PPFIA2: variants seen among roughly 807,000 people sequenced by gnomAD.
The protein encoded by PPFIA2 is PPFI scaffold protein A2.
In PPFIA2, 46 loss-of-function variants were observed where a neutral mutation model predicts 175.5. The ratio of observed to expected loss-of-function variants is 0.26; its 90% CI spans 0.21 to 0.34. The LOEUF is 0.34. PPFIA2 is among the 10% of genes least tolerant of loss of function. The pLI, the probability that PPFIA2 is intolerant of heterozygous loss-of-function variation, is 1.00. For synonymous variants in PPFIA2, 568 were observed against 511.4 expected (o/e 1.11, Z -1.49); for missense variants, 1,179 against 1,506.1 (o/e 0.78, Z 3.60).
At chr12:81,354,157 G>T (rs2060492679) in intron 16 of PPFIA2, among the ~76,000 whole-genome samples, 1 of 152,102 alleles carries the variant, frequency 6.6e-6, no homozygotes, top group African/African-American at 2.4e-5. Flanking sequence ...CTGAAGGTTG[G>T]GTGGCTGTGA....
chr12:81,366,225 A>G (rs894819902), intron 14 of PPFIA2, among the ~76,000 whole-genome samples: 1 of 151,604 alleles, frequency 6.6e-6, no homozygotes, highest in Non-Finnish European at 1.5e-5. Context: ...TAAAATTGCT[A>G]ACAATAACTT....
At chr12:81,707,740 C>T (rs371519391) in intron 3 of PPFIA2, among the ~76,000 whole-genome samples, 2 of 151,500 alleles carry the variant, frequency 1.3e-5, no homozygotes, top group South Asian at 4.2e-4. Flanking sequence ...TATTGCGGCA[C>T]TATTCACAAT....
intron 22 of PPFIA2, among the ~76,000 whole-genome samples, chr12:81,315,582 G>T (rs1271678210): frequency 1.1e-4 from 17 of 151,726 alleles, no homozygotes; most frequent in Admixed American, 1.1e-3. Flanking sequence ...GCTTGAATTG[G>T]TAAGTTTGAA....
rs1174223274 is a variant in PPFIA2, at chr12:81,642,710, G to GTATATATTATATACATACAT, written c.303+34080_303+34081insATGTATGTATATAATATATA. Among the ~76,000 whole-genome samples, 278 of 75,700 alleles carry GTATATATTATATACATACAT rather than the reference G, an allele frequency of 3.7e-3. 82 individuals are homozygous for GTATATATTATATACATACAT. The highest frequency in any genetic ancestry group is 6.4e-3 in the Non-Finnish European group (225 of 34,958). The allele number at this position is 75,700 out of a possible 152,430, so 49.7% of individuals were successfully genotyped here. A position where few individuals can be genotyped will look rare whatever the true frequency, so the allele number is the denominator to read the frequency against. On this transcript the variant is annotated intron_variant, in intron 4 of 32. Transcript: ENST00000549396. ...ATTATATACATACATGTATATGTAT[G>GTATATATTATATACATACAT]TATGTATTATATACATACATGTATA...
chr12:81,436,054 G>A (rs2048929470), intron 7 of PPFIA2, among the ~76,000 whole-genome samples: 1 of 151,718 alleles, frequency 6.6e-6, no homozygotes, highest in African/African-American at 2.4e-5. Context: ...GAGTTGGGCA[G>A]ACTGTTTGAC....
chr12:81,401,170 A>G (rs2042036376), intron 8 of PPFIA2, among the ~76,000 whole-genome samples: 1 of 152,038 alleles, frequency 6.6e-6, no homozygotes, highest in South Asian at 2.1e-4. Context: ...TCTTATCATC[A>G]TTATATTCCT....
At chr12:81,416,972 A>C (rs1301716300) in intron 7 of PPFIA2, among the ~76,000 whole-genome samples, 3 of 151,786 alleles carry the variant, frequency 2.0e-5, no homozygotes, top group African/African-American at 7.2e-5. Flanking sequence ...TTTATTTTTA[A>C]ATAAAATGAA....
At chr12:81,668,415 G>T (rs2070773469) in intron 4 of PPFIA2, among the ~76,000 whole-genome samples, 2 of 152,002 alleles carry the variant, frequency 1.3e-5, no homozygotes, top group South Asian at 4.1e-4. Context: ...ACAAACATCT[G>T]ATTCAGTGGT....
chr12:81,545,705 C>T (rs61937271), intron 4 of PPFIA2: 10,920 of 152,276 alleles, frequency 0.072, 549 homozygotes, highest in East Asian at 0.19. Context: ...ATGCACAATA[C>T]TCAGAATATG....
intron 4 of PPFIA2, among the ~76,000 whole-genome samples, chr12:81,578,035 A>G (rs1332402320): frequency 2.0e-5 from 3 of 151,626 alleles, no homozygotes; most frequent in Non-Finnish European, 4.4e-5. Context: ...TGTGAATGAA[A>G]AAAGTGTTTC....
chr12:81,464,963 A>C (rs551019565), intron 4 of PPFIA2, among the ~76,000 whole-genome samples: 10 of 152,210 alleles, frequency 6.6e-5, no homozygotes, highest in African/African-American at 2.4e-4. Context: ...TGAGAAAAAA[A>C]ATGACATATT....
Position 81,368,793 on chromosome 12 carries a change from G to T in PPFIA2, c.1414C>A (p.Leu472Ile), listed in dbSNP as rs2034282047. The T allele has an allele frequency of 1.9e-6, 3 of 1,610,750 alleles. No homozygotes were observed. The highest frequency in any genetic ancestry group is 2.5e-6 in the Non-Finnish European group (3 of 1,177,648). Residue 472 changes from leucine to isoleucine, a missense_variant, in exon 13 of 33, where the codon CTT becomes ATT. Transcript: ENST00000549396. ...AGGCGTTCATTGGATTCAGTCAGAA[G>T]TCTATCAACCGTATCCGATAATCTC... The part of the protein sequence containing the change: ...NKRLSDTVDR[L>I]LTESNERLQL...
chr12:81,383,697 T>C (rs1356900556), intron 9 of PPFIA2, among the ~76,000 whole-genome samples: 1 of 152,128 alleles, frequency 6.6e-6, no homozygotes, highest in African/African-American at 2.4e-5. Context: ...GCTAAGAGTA[T>C]AGCAATTCAT....
chr12:81,402,172 A>G (rs2042195916), intron 8 of PPFIA2, among the ~76,000 whole-genome samples: 1 of 152,174 alleles, frequency 6.6e-6, no homozygotes, highest in African/African-American at 2.4e-5. Context: ...CCTTCCAACT[A>G]GGATTTAGAA....
intron 7 of PPFIA2, among the ~76,000 whole-genome samples, chr12:81,415,698 A>C (rs1310594527): frequency 4.8e-5 from 7 of 145,812 alleles, no homozygotes; most frequent in African/African-American, 1.5e-4. Context: ...GAATGATTCC[A>C]ATAGCAAAAA....
intron 4 of PPFIA2, among the ~76,000 whole-genome samples, chr12:81,610,891 C>T (rs770637140): frequency 4.6e-5 from 7 of 152,098 alleles, no homozygotes; most frequent in Non-Finnish European, 8.8e-5. Flanking sequence ...TAGTCAGTTG[C>T]TTTGTTTCTG....
chr12:81,346,825 T>G (rs927253397), intron 18 of PPFIA2, among the ~76,000 whole-genome samples: 3 of 152,066 alleles, frequency 2.0e-5, no homozygotes, highest in African/African-American at 7.2e-5. Flanking sequence ...TGTTACTTAT[T>G]ATGTTAAAAA....
intron 14 of PPFIA2, among the ~76,000 whole-genome samples, chr12:81,363,218 A>G (rs1482124176): frequency 6.6e-6 from 1 of 151,484 alleles, no homozygotes; most frequent in East Asian, 1.9e-4. Flanking sequence ...AAAGGAAAGT[A>G]AACCCTCTGG....
At chr12:81,466,557 C>A (rs1329296084) in intron 4 of PPFIA2, among the ~76,000 whole-genome samples, 1 of 152,138 alleles carries the variant, frequency 6.6e-6, no homozygotes, top group African/African-American at 2.4e-5. Context: ...ATATCTTATT[C>A]CCACTCTGCT....
Sources: allele counts gnomAD v4.1 joint callset (sites outside exome capture counted in the v4.1 genomes callset), GRCh38; gene constraint gnomAD v4.1.1; transcripts MANE v1.5; gene names NCBI Gene and HGNC (gene_info 2026-07-23, HGNC 2026-07-21).